The following CACNA1E variants were observed in gnomAD, a reference collection of about 807,000 sequenced individuals.
CACNA1E encodes calcium voltage-gated channel subunit alpha1 E, also known as voltage-dependent R-type calcium channel subunit alpha-1E.
A neutral mutation model predicts 259.2 loss-of-function variants in CACNA1E; 40 were observed. The ratio of observed to expected loss-of-function variants is 0.15; its 90% CI spans 0.12 to 0.20. CACNA1E has a LOEUF of 0.20. CACNA1E is among the 10% of genes least tolerant of loss of function. The pLI is 1.00. For synonymous variants in CACNA1E, 1,104 were observed against 1,138.5 expected (o/e 0.97, Z 0.61); for missense variants, 1,874 against 3,040.1 (o/e 0.62, Z 9.02).
intron 3 of CACNA1E, among the ~76,000 whole-genome samples, chr1:181,532,435 C>A (rs1327393142): frequency 6.6e-6 from 1 of 152,228 alleles, no homozygotes; most frequent in Non-Finnish European, 1.5e-5. Flanking sequence ...GGGTGTGTGG[C>A]AGCAGCACCT....
intron 21 of CACNA1E, among the ~76,000 whole-genome samples, chr1:181,734,254 A>G (rs1420885554): frequency 6.6e-6 from 1 of 152,030 alleles, no homozygotes; most frequent in African/African-American, 2.4e-5. Context: ...CTAACATTTT[A>G]TATGATTCTA....
In CACNA1E at chr1:181,427,426, C is replaced by T. The variant is rs60200539; in HGVS notation, c.434+13846C>T. Among the ~76,000 whole-genome samples, 3 of 139,578 alleles carry T rather than the reference C, an allele frequency of 2.1e-5. No individual in the cohort carries two copies. The South Asian group carries it at 7.1e-4, about 33-fold the overall frequency. The allele number at this position is 139,578 out of a possible 152,430, so 91.6% of individuals were successfully genotyped here. On this transcript the variant is annotated intron_variant, in intron 2 of 11. Coordinates refer to the CACNA1E transcript ENST00000524607. ...TCCATCTCAACCCCCTCCACCTCAACTTCTCCCTCATCTCAGCCTCTTCCT... is the reference window on the plus strand; with the variant it reads ...TCCATCTCAACCCCCTCCACCTCAATTTCTCCCTCATCTCAGCCTCTTCCT...
intron 6 of CACNA1E, among the ~76,000 whole-genome samples, chr1:181,627,039 C>T (rs1477467949): frequency 2.0e-5 from 3 of 151,986 alleles, no homozygotes; most frequent in Admixed American, 2.0e-4. Flanking sequence ...TTTTGTTTTC[C>T]CGTTTATGCT....
At chr1:181,713,754 C>T (rs751528129) in intron 8 of CACNA1E, among the ~76,000 whole-genome samples, 14 of 152,118 alleles carry the variant, frequency 9.2e-5, no homozygotes, top group African/African-American at 2.7e-4. Flanking sequence ...AAACTCATCC[C>T]GTTACTCCTC....
intron 3 of CACNA1E, among the ~76,000 whole-genome samples, chr1:181,565,927 G>A (rs1649783855): frequency 6.6e-6 from 1 of 152,126 alleles, no homozygotes; most frequent in Non-Finnish European, 1.5e-5. Flanking sequence ...TAGATCAACA[G>A]AAATCCCTCG....
Position 181,676,095 on chromosome 1 carries a change from G to C in CACNA1E, c.1055+24654G>C, listed in dbSNP as rs544324383. Among the ~76,000 whole-genome samples, 905 of 152,174 alleles carry C rather than the reference G, an allele frequency of 5.9e-3. 8 individuals carry two copies. The highest frequency in any genetic ancestry group is 9.9e-3 in the Non-Finnish European group (672 of 68,018). On this transcript the variant is annotated intron_variant, in intron 7 of 47. Transcript: ENST00000367573. ...AATCCCCATTATTGGGCACTCGTTAGAACTATAAGGCTCTTCTCCCCAGCA... is the reference window on the plus strand; with the variant it reads ...AATCCCCATTATTGGGCACTCGTTACAACTATAAGGCTCTTCTCCCCAGCA...
At chr1:181,470,274 G>C (rs1390962902) in intron 2 of CACNA1E, among the ~76,000 whole-genome samples, 2 of 151,882 alleles carry the variant, frequency 1.3e-5, no homozygotes, top group African/African-American at 4.8e-5. Context: ...CTGCAGCCTT[G>C]AACTCCTGGG....
chr1:181,586,923 T>A (rs760525572), intron 6 of CACNA1E, among the ~76,000 whole-genome samples: 1 of 152,138 alleles, frequency 6.6e-6, no homozygotes, highest in Non-Finnish European at 1.5e-5. Flanking sequence ...ATGGGAATGA[T>A]CCATTTGAGA....
chr1:181,637,278 G>T (rs996005035), intron 6 of CACNA1E, among the ~76,000 whole-genome samples: 1 of 152,082 alleles, frequency 6.6e-6, no homozygotes, highest in Non-Finnish European at 1.5e-5. Context: ...CCTGGGAAGG[G>T]GTTATTAAGT....
chr1:181,720,550 C>G (rs1017297736), intron 14 of CACNA1E, among the ~76,000 whole-genome samples: 5 of 152,172 alleles, frequency 3.3e-5, no homozygotes, highest in Non-Finnish European at 5.9e-5. Context: ...GGACCCATCT[C>G]TTTGGTGCTG....
chr1:181,554,858 G>A (rs1558121788), intron 3 of CACNA1E, among the ~76,000 whole-genome samples: 1 of 152,118 alleles, frequency 6.6e-6, no homozygotes. Flanking sequence ...ATCAGTGCTG[G>A]ATCTAAGTGA....
chr1:181,347,552 C>G (rs1652693283), intron 1 of CACNA1E, among the ~76,000 whole-genome samples: 1 of 152,202 alleles, frequency 6.6e-6, no homozygotes, highest in Non-Finnish European at 1.5e-5. Context: ...AACTCCAGAC[C>G]CTGCAGGCTC....
intron 7 of CACNA1E, among the ~76,000 whole-genome samples, chr1:181,693,625 GA>G (rs998678429): frequency 3.9e-4 from 59 of 152,096 alleles, no homozygotes; most frequent in African/African-American, 1.4e-3. Flanking sequence ...TGGACATAAA[GA>G]TGGCAACAAT....
chr1:181,713,655 T>G (rs1282896662), intron 8 of CACNA1E, among the ~76,000 whole-genome samples: 1 of 152,152 alleles, frequency 6.6e-6, no homozygotes, highest in Non-Finnish European at 1.5e-5. Context: ...CATTGTTTAG[T>G]AGGGTCTGAA....
intron 1 of CACNA1E, among the ~76,000 whole-genome samples, chr1:181,336,015 T>C (rs1651684211): frequency 6.6e-6 from 1 of 152,236 alleles, no homozygotes; most frequent in African/African-American, 2.4e-5. Flanking sequence ...TTCAGGATAG[T>C]CCCTTCTATT....
intron 1 of CACNA1E, among the ~76,000 whole-genome samples, chr1:181,336,341 C>G (rs1311172674): frequency 6.6e-6 from 1 of 152,192 alleles, no homozygotes; most frequent in African/African-American, 2.4e-5. Flanking sequence ...GTAGGCACTA[C>G]TCTAAGCCCT....
chr1:181,428,966 G>A (rs1361505677), intron 2 of CACNA1E, among the ~76,000 whole-genome samples: 1 of 152,162 alleles, frequency 6.6e-6, no homozygotes, highest in East Asian at 1.9e-4. Context: ...TGGATCATTT[G>A]AGGTCAGGAG....
chr1:181,577,661 G>A (rs1357352648), intron 3 of CACNA1E, 105 bp from the exon 4 acceptor site: 12 of 677,432 alleles, frequency 1.8e-5, no homozygotes, highest in Non-Finnish European at 2.6e-5. Context: ...TGGCGTCAGC[G>A]CTGTGTGCTT....
rs1230770901 is a variant in CACNA1E, at chr1:181,805,708, G to A, written c.*6874G>A. 1 of 152,210 alleles carries A rather than the reference G, an allele frequency of 6.6e-6. No individual in the cohort carries two copies. The highest frequency in any genetic ancestry group is 1.5e-5 in the Non-Finnish European group (1 of 68,040). 9.4% of individuals were successfully genotyped at this position (152,210 alleles called of 1,614,324 possible). A position where few individuals can be genotyped will look rare whatever the true frequency, so the allele number is the denominator to read the frequency against. ...CTACCCTAAGTGCTGCAATTGCAGA[G>A]GAACTTGCCTCTTCGTGATATTAGA... On this transcript the variant is annotated 3_prime_UTR_variant, in exon 48 of 48. Coordinates refer to ENST00000367573, the MANE Select transcript of CACNA1E (RefSeq NM_001205293.3).
Sources: gnomAD v4.1 joint callset for allele counts (sites outside exome capture counted in the v4.1 genomes callset) on GRCh38, gnomAD v4.1.1 for gene constraint, MANE v1.5 for transcripts, NCBI Gene and HGNC (gene_info 2026-07-23, HGNC 2026-07-21) for gene names.